The following SPTBN2 variants were observed in gnomAD, a reference collection of about 807,000 sequenced individuals.
SPTBN2 encodes the protein spectrin beta, non-erythrocytic 2, also known as spectrin beta chain, non-erythrocytic 2.
Under a neutral mutation model 284.2 loss-of-function variants are expected in SPTBN2, and 107 were observed. That is an observed-to-expected ratio of 0.38 (90% confidence interval 0.32 to 0.44). The LOEUF is 0.44. Ranked by LOEUF, SPTBN2 falls within the 20% of genes least tolerant of loss-of-function variation. The pLI is 1.00. For missense variants in SPTBN2, 2,569 were observed against 3,287.1 expected (o/e 0.78, Z 5.34); for synonymous variants, 1,289 against 1,354.8 (o/e 0.95, Z 1.07).
chr11:66,715,990 G>C lies in SPTBN2; in HGVS notation c.158-9C>G. 6.2e-7 allele frequency: 1 copy of C among 1,613,728 alleles called. No homozygotes were observed. Among genetic ancestry groups the C allele is most frequent in the Non-Finnish European group, 8.5e-7 (1 of 1,179,982 alleles). On this transcript the variant is annotated splice_polypyrimidine_tract_variant and intron_variant, in intron 3 of 37. Coordinates refer to ENST00000533211, the MANE Select transcript of SPTBN2 (RefSeq NM_006946.4). The surrounding 1 kb of genome is among the most constrained non-coding windows in gnomAD (Gnocchi z 5.3). ...CACAGCTTCTCGTTCATCTGTGGTG[G>C]CAACATGGGTTTATTTCTGTCCCTC...
chr11:66,741,141 C>A (rs1157090880), intron 1 of SPTBN2, among the ~76,000 whole-genome samples: 2 of 152,142 alleles, frequency 1.3e-5, no homozygotes, highest in Non-Finnish European at 2.9e-5. Context: ...GGCTGTGTGA[C>A]CATCCAAATC....
rs746492956 is a variant in SPTBN2, at chr11:66,715,797, G to GC, written c.309+32dup. 3.4e-5 allele frequency: 54 copies of GC among 1,611,430 alleles called. No homozygotes were observed. Among genetic ancestry groups the GC allele is most frequent in the Middle Eastern group, 1.7e-4 (1 of 6,046 alleles). ...TGGTCCCCTTGGACACTTTTCTAAG[G>GC]CCCCCCCACTTCCCTTCATGACCAC... is the stretch of plus-strand genomic sequence containing the variant. On this transcript the variant is annotated intron_variant, in intron 4 of 37. Coordinates refer to ENST00000533211, the MANE Select transcript of SPTBN2 (RefSeq NM_006946.4). The surrounding 1 kb of genome is among the most constrained non-coding windows in gnomAD (Gnocchi z 5.3).
chr11:66,717,501 T>C (rs1038484193), intron 3 of SPTBN2, among the ~76,000 whole-genome samples: 21 of 152,116 alleles, frequency 1.4e-4, no homozygotes, highest in Non-Finnish European at 2.4e-4. Context: ...CTCCGTGTCT[T>C]TCACCTCCAG....
chr11:66,694,400 C>T lies in SPTBN2; in HGVS notation c.4279-37G>A, dbSNP rs765649782. The T allele has an allele frequency of 8.1e-6, 13 of 1,600,668 alleles. No individual in the cohort carries two copies. In the East Asian group the frequency reaches 1.4e-4, roughly 17 times the overall value. ...CAGGAGGAAGGACATGTTAGCTCTG[C>T]ATTTCCGCCTTCATGCCCAGCAGAG... is the stretch of plus-strand genomic sequence containing the variant. On this transcript the variant is annotated intron_variant, in intron 21 of 37. Transcript: ENST00000533211.
chr11:66,687,569 T>C lies in SPTBN2; in HGVS notation c.6580A>G (p.Met2194Val), dbSNP rs2135301519. 6 of 1,611,994 alleles carry C rather than the reference T, an allele frequency of 3.7e-6. No homozygotes were observed. Among genetic ancestry groups the C allele is most frequent in the Non-Finnish European group, 5.1e-6 (6 of 1,179,844 alleles). Residue 2194 changes from methionine to valine, a missense_variant, in exon 35 of 38, where the codon ATG becomes GTG. Physicochemically the swap from Met to Val is conservative, Grantham distance 21 (BLOSUM62 1). Around this residue, in one of 6 missense-constraint regions of SPTBN2, gnomAD observed 1,130 missense variants for 1,317.3 expected, o/e 0.86. Coordinates refer to ENST00000533211, the MANE Select transcript of SPTBN2 (RefSeq NM_006946.4). This position sits in a 1 kb window ranked among gnomAD's most constrained non-coding sequence, Gnocchi z 5.2. ...TRTRGPAPSA[M>V]PQSRSTESAH... ...GACTCGGTAGACCTGCTCTGGGGCA[T>C]TGCAGATGGGGCCGGGCCCCGAGTC...
chr11:66,698,927 T>G, intron 19 of SPTBN2, 65 bp downstream of exon 19: 1 of 1,605,434 alleles, frequency 6.2e-7, no homozygotes, highest in Non-Finnish European at 8.5e-7. Flanking sequence ...TGTGCTGGAC[T>G]TATTCTAGGC....
rs763157375 is a variant in SPTBN2, at chr11:66,692,566, G to T, written c.5160C>A (p.His1720Gln). The T allele has an allele frequency of 2.3e-5, 37 of 1,605,362 alleles. No individual in the cohort carries two copies. Among genetic ancestry groups the T allele is most frequent in the Non-Finnish European group, 3.0e-5 (35 of 1,179,926 alleles). ...CATGCTCGTAGTCCTGGCCCAGCTC[G>T]TGGGAGGCCGCCACCACCTCGCGCT... Reference protein sequence around the residue: ...IQEREVVAASHELGQDYEHVT... With the variant: ...IQEREVVAASQELGQDYEHVT... Residue 1720 changes from histidine to glutamine, a missense_variant, in exon 26 of 38, where the codon CAC (histidine) becomes CAA (glutamine). Physicochemically the swap from His to Gln is conservative, Grantham distance 24. This residue lies in a region of SPTBN2 where 1,130 missense variants were observed against 1,317.3 expected (regional missense o/e 0.86). Coordinates refer to ENST00000533211, the MANE Select transcript of SPTBN2 (RefSeq NM_006946.4).
rs777471821 is a variant in SPTBN2, at chr11:66,701,716, T to C, written c.2684A>G (p.Glu895Gly). ...GGTGTTCATTTCAGGCTCCAGGGTC[T>C]CGAACCTGAGAGGGTGGAAGAGCCA... ...EDLEVVQQRFETLEPEMNTLA... is the reference protein window; with the variant it reads ...EDLEVVQQRFGTLEPEMNTLA... Residue 895 changes from glutamate to glycine, a missense_variant, in exon 16 of 38, where the codon GAG becomes GGG. By Grantham distance (98) the Glu-to-Gly change is moderately conservative. Around this residue, in one of 6 missense-constraint regions of SPTBN2, gnomAD observed 1,012 missense variants for 1,248.9 expected, o/e 0.81. Transcript: ENST00000533211. 12 of 1,613,924 alleles carry C rather than the reference T, an allele frequency of 7.4e-6. No individual in the cohort carries two copies. The highest frequency in any genetic ancestry group is 4.4e-5 in the South Asian group (4 of 91,070).
At chr11:66,726,042 C>T (rs1211073604) in intron 1 of SPTBN2, among the ~76,000 whole-genome samples, 2 of 152,118 alleles carry the variant, frequency 1.3e-5, no homozygotes, top group Non-Finnish European at 2.9e-5. Flanking sequence ...TCTCTCTGCC[C>T]GCTCCACATT....
intron 1 of SPTBN2, chr11:66,728,121 C>T (rs1942694638): frequency 6.7e-6 from 1 of 148,344 alleles, no homozygotes; most frequent in Non-Finnish European, 1.5e-5. Context: ...GCGCGCCGCC[C>T]CGCGGGCCGG....
At chr11:66,737,073 G>C (rs756247112) in intron 1 of SPTBN2, among the ~76,000 whole-genome samples, 3 of 152,180 alleles carry the variant, frequency 2.0e-5, no homozygotes, top group Non-Finnish European at 2.9e-5. Flanking sequence ...CTTGTCAGAT[G>C]CATGACACCT....
chr11:66,708,069 G>A lies in SPTBN2; in HGVS notation c.1350+72C>T, dbSNP rs184527560. 2.4e-4 allele frequency: 377 copies of A among 1,602,176 alleles called. 4 individuals are homozygous for A. In the East Asian group the frequency reaches 6.8e-3, roughly 29 times the overall value. The stretch of plus-strand genomic sequence containing the variant: ...GTGTTTCATTGTCTCTCCACCCCGC[G>A]GGGCTTCTTATCCACCCTGTCTCTC... On this transcript the variant is annotated intron_variant, in intron 12 of 37. Transcript: ENST00000533211. The surrounding 1 kb of genome is among the most constrained non-coding windows in gnomAD (Gnocchi z 4.4).
Position 66,714,083 on chromosome 11 carries a change from C to G in SPTBN2, c.656+8G>C, listed in dbSNP as rs1271037969. ...GCTCTGCTGCGTTTGCTAACCCCAT[C>G]TTCTCACCGGTGTTTATGCACGATG... is the stretch of plus-strand genomic sequence containing the variant. On this transcript the variant is annotated splice_region_variant and intron_variant, in intron 7 of 37. Transcript: ENST00000533211. 1.2e-6 allele frequency: 2 copies of G among 1,614,116 alleles called. No homozygotes were observed. Among genetic ancestry groups the G allele is most frequent in the Non-Finnish European group, 1.7e-6 (2 of 1,180,046 alleles).
In SPTBN2 at chr11:66,693,688, G is replaced by A; in HGVS notation, c.4593+84C>T. On this transcript the variant is annotated intron_variant, in intron 23 of 37. Transcript: ENST00000533211. This position sits in a 1 kb window ranked among gnomAD's most constrained non-coding sequence, Gnocchi z 5.7. ...AGTCCAGGGTTACACTCAGCATCGA[G>A]GGGGGCCTGGTCTTAAGAAAAAACA... 1 of 1,399,972 alleles carries A rather than the reference G, an allele frequency of 7.1e-7. No individual in the cohort carries two copies. The highest frequency in any genetic ancestry group is 9.9e-7 in the Non-Finnish European group (1 of 1,010,476). 86.7% of individuals were successfully genotyped at this position (1,399,972 alleles called of 1,614,324 possible).
At chr11:66,742,754 C>T (rs954892545) in intron 1 of SPTBN2, among the ~76,000 whole-genome samples, 1 of 152,092 alleles carries the variant, frequency 6.6e-6, no homozygotes, top group African/African-American at 2.4e-5. Context: ...GGACTACAGG[C>T]ACATGCCAAC....
At chr11:66,702,198 G>A (rs1365334299) in intron 15 of SPTBN2, among the ~76,000 whole-genome samples, 4 of 152,294 alleles carry the variant, frequency 2.6e-5, no homozygotes, top group East Asian at 1.9e-4. Flanking sequence ...ATGGAGTCTC[G>A]CTCTGTCACC....
In SPTBN2 at chr11:66,688,187, G is replaced by A. The variant is rs763350682; in HGVS notation, c.6356C>T (p.Ser2119Phe). 9 of 1,613,588 alleles carry A rather than the reference G, an allele frequency of 5.6e-6. No homozygotes were observed. Among genetic ancestry groups the A allele is most frequent in the South Asian group, 5.5e-5 (5 of 91,086 alleles). ...PGDLVGGQTA[S>F]DTTWDGTQPR... ...CTCTCACCCGTCCCAGGTGGTGTCA[G>A]AAGCTGTCTGGCCGCCCACCAGGTC... The change falls in exon 32 of 38, where the codon TCT (serine) becomes TTT (phenylalanine). Residue 2119 changes from serine (S) to phenylalanine (F), a missense_variant. Ser to Phe is a radical substitution (Grantham distance 155). Transcript: ENST00000533211.
chr11:66,705,903 T>C, intron 13 of SPTBN2, 66 bp from the exon 14 acceptor site: 2 of 1,566,730 alleles, frequency 1.3e-6, no homozygotes, highest in Non-Finnish European at 1.7e-6. Context: ...GCTGCGTTTT[T>C]CTTCCAACTT....
chr11:66,717,849 C>A (rs1942216424), intron 3 of SPTBN2, among the ~76,000 whole-genome samples: 1 of 152,180 alleles, frequency 6.6e-6, no homozygotes, highest in African/African-American at 2.4e-5. Flanking sequence ...AACAGTGATT[C>A]CCAAAAACAC....
Sources: gnomAD v4.1 joint callset for allele counts (sites outside exome capture counted in the v4.1 genomes callset) on GRCh38, gnomAD v4.1.1 for gene constraint, gnomAD v4.1.1 regional missense constraint, Gnocchi (gnomAD v3.1) non-coding constraint, MANE v1.5 for transcripts, NCBI Gene and HGNC (gene_info 2026-07-23, HGNC 2026-07-21) for gene names.